CHST11: variants seen among roughly 807,000 people sequenced by gnomAD.
CHST11 encodes the protein C4S-1.
Under a neutral mutation model 30.4 loss-of-function variants are expected in CHST11, and 9 were observed. The observed-to-expected ratio is 0.30, with a 90% CI of 0.18 to 0.52. The LOEUF is 0.52. Ranked by LOEUF, CHST11 falls within the 20% of genes least tolerant of loss-of-function variation. The pLI is 0.97. For synonymous variants in CHST11, 152 were observed against 187.8 expected (o/e 0.81, Z 1.56); for missense variants, 348 against 460.6 (o/e 0.76, Z 2.24).
At chr12:104,665,190 GA>G (rs1349337973) in intron 2 of CHST11, among the ~76,000 whole-genome samples, 1 of 152,196 alleles carries the variant, frequency 6.6e-6, no homozygotes, top group Non-Finnish European at 1.5e-5. Flanking sequence ...TCTGAGATCT[GA>G]TTCTACCCCA....
At chr12:104,519,262 A>G (rs1259484608) in intron 1 of CHST11, among the ~76,000 whole-genome samples, 1 of 152,212 alleles carries the variant, frequency 6.6e-6, no homozygotes, top group Non-Finnish European at 1.5e-5. Context: ...CACACTGTCA[A>G]TTACAGACTT....
At chr12:104,608,826 G>A (rs560696825) in intron 2 of CHST11, among the ~76,000 whole-genome samples, 59 of 152,290 alleles carry the variant, frequency 3.9e-4, no homozygotes, top group African/African-American at 1.4e-3. Context: ...TTGGAGGTTT[G>A]TGGGTTCGAT....
At chr12:104,554,928 T>C (rs2038440856) in intron 1 of CHST11, among the ~76,000 whole-genome samples, 1 of 152,180 alleles carries the variant, frequency 6.6e-6, no homozygotes, top group African/African-American at 2.4e-5. Context: ...CTTGAGGCTG[T>C]ACCGGGGTTG....
At chr12:104,544,498 G>C (rs2038323327) in intron 1 of CHST11, among the ~76,000 whole-genome samples, 1 of 152,034 alleles carries the variant, frequency 6.6e-6, no homozygotes, top group Admixed American at 6.5e-5. Context: ...CCTGAGGCCA[G>C]GAGTTCGAGA....
chr12:104,478,807 A>T (rs925687040), intron 1 of CHST11, among the ~76,000 whole-genome samples: 4 of 152,112 alleles, frequency 2.6e-5, no homozygotes, highest in African/African-American at 9.7e-5. Context: ...AGTGGCAGGC[A>T]ATTTCAAGAG....
intron 2 of CHST11, among the ~76,000 whole-genome samples, chr12:104,611,650 G>A (rs1043929441): frequency 5.3e-5 from 8 of 152,296 alleles, no homozygotes; most frequent in African/African-American, 1.7e-4. Flanking sequence ...TCCCCTAGAG[G>A]TGCAGAGGCG....
At chr12:104,635,483 G>A (rs1237528448) in intron 2 of CHST11, among the ~76,000 whole-genome samples, 1 of 152,230 alleles carries the variant, frequency 6.6e-6, no homozygotes, top group East Asian at 1.9e-4. Flanking sequence ...GGGGTTGGAA[G>A]GAGAATTCAG....
intron 1 of CHST11, among the ~76,000 whole-genome samples, chr12:104,534,572 G>A (rs1017847650): frequency 6.6e-6 from 1 of 152,172 alleles, no homozygotes; most frequent in African/African-American, 2.4e-5. Context: ...GTTGCCAGGT[G>A]GATGGATTTC....
At chr12:104,732,236 C>G in intron 2 of CHST11, among the ~76,000 whole-genome samples, 1 of 152,160 alleles carries the variant, frequency 6.6e-6, no homozygotes. Flanking sequence ...GTGCCAGGAG[C>G]CTGTCCTTCT....
intron 1 of CHST11, among the ~76,000 whole-genome samples, chr12:104,536,063 A>G (rs940887498): frequency 8.5e-5 from 13 of 152,220 alleles, no homozygotes; most frequent in African/African-American, 2.9e-4. Flanking sequence ...AAACATATCA[A>G]TTCACTTTGC....
At chr12:104,694,360 GCCTTCTC>G (rs1566041289) in intron 2 of CHST11, among the ~76,000 whole-genome samples, 2 of 152,194 alleles carry the variant, frequency 1.3e-5, no homozygotes, top group Non-Finnish European at 2.9e-5. Flanking sequence ...GCTGTTAGCT[GCCTTCTC>G]ATTCCTCTTA....
intron 2 of CHST11, among the ~76,000 whole-genome samples, chr12:104,691,121 A>G (rs1177670268): frequency 6.6e-6 from 1 of 152,198 alleles, no homozygotes; most frequent in Admixed American, 6.5e-5. Context: ...CTGTCCTCGA[A>G]GAACAGATGG....
chr12:104,670,741 ACACATACCCCT>A (rs890995044), intron 2 of CHST11, among the ~76,000 whole-genome samples: 1 of 150,584 alleles, frequency 6.6e-6, no homozygotes, highest in African/African-American at 2.5e-5. Context: ...ACACACTCCC[ACACATACCCCT>A]CACATACACA....
Position 104,745,145 on chromosome 12 carries a change from A to T in CHST11, c.205-11804A>T, listed in dbSNP as rs572056037. Among the ~76,000 whole-genome samples, 44 of 152,308 alleles carry T rather than the reference A, an allele frequency of 2.9e-4. 2 individuals carry two copies. In the South Asian group the frequency reaches 8.9e-3, roughly 31 times the overall value. Reference sequence around the variant, plus strand: ...TGCCTCAGCCTCCCAAAGTGCTGGGATTACAGGCATAAGCCACCACGCCCG... The same window carrying T: ...TGCCTCAGCCTCCCAAAGTGCTGGGTTTACAGGCATAAGCCACCACGCCCG... On this transcript the variant is annotated intron_variant, in intron 2 of 2. Coordinates refer to ENST00000303694, the MANE Select transcript of CHST11 (RefSeq NM_018413.6).
chr12:104,507,395 C>G (rs185622324), intron 1 of CHST11, among the ~76,000 whole-genome samples: 1 of 152,336 alleles, frequency 6.6e-6, no homozygotes, highest in Admixed American at 6.5e-5. Context: ...AGTTTTAACA[C>G]ATGAAAATGG....
At chr12:104,482,354 G>T (rs76886335) in intron 1 of CHST11, among the ~76,000 whole-genome samples, 2 of 27,588 alleles carry the variant, frequency 7.2e-5, no homozygotes, top group African/African-American at 2.5e-4. Context: ...GCCCCCCCCC[G>T]CAAAAATGAA....
At chr12:104,634,197 T>C (rs901874740) in intron 2 of CHST11, among the ~76,000 whole-genome samples, 1 of 152,192 alleles carries the variant, frequency 6.6e-6, no homozygotes, top group Non-Finnish European at 1.5e-5. Flanking sequence ...GGAAGCTCCA[T>C]GAGGACAGGG....
chr12:104,745,418 C>T (rs1329014795), intron 2 of CHST11, among the ~76,000 whole-genome samples: 3 of 152,118 alleles, frequency 2.0e-5, no homozygotes, highest in Admixed American at 6.5e-5. Flanking sequence ...CTTGGCTATT[C>T]GGGCTCTTTT....
chr12:104,569,068 A>G (rs2038597997), intron 1 of CHST11, among the ~76,000 whole-genome samples: 1 of 152,066 alleles, frequency 6.6e-6, no homozygotes. Context: ...TTTCATCCCC[A>G]TTTTGCAGAG....
Sources: gnomAD v4.1 joint callset for allele counts (sites outside exome capture counted in the v4.1 genomes callset) on GRCh38, gnomAD v4.1.1 for gene constraint, MANE v1.5 for transcripts, NCBI Gene and HGNC (gene_info 2026-07-23, HGNC 2026-07-21) for gene names.